The following SIPA1L3 variants were observed in gnomAD, a reference collection of about 807,000 sequenced individuals.
SIPA1L3 encodes signal induced proliferation associated 1 like 3, also known as signal-induced proliferation-associated 1-like protein 3.
Under a neutral mutation model 150.1 loss-of-function variants are expected in SIPA1L3, and 59 were observed. The observed-to-expected ratio is 0.39, with a 90% CI of 0.32 to 0.49. The LOEUF (loss-of-function observed/expected upper bound fraction) is 0.49. Among genes scored for constraint, SIPA1L3 ranks in the 20% least tolerant of loss-of-function variants. The pLI is 0.86. For missense variants in SIPA1L3, 2,211 were observed against 2,489.5 expected (o/e 0.89, Z 2.38); for synonymous variants, 1,070 against 1,077.6 (o/e 0.99, Z 0.14).
chr19:37,934,152 A>T (rs894192617), intron 1 of SIPA1L3, among the ~76,000 whole-genome samples: 8 of 152,154 alleles, frequency 5.3e-5, no homozygotes, highest in Non-Finnish European at 8.8e-5. Context: ...TCAGCAATTG[A>T]TTCTGTAAAA....
At chr19:37,941,241 G>A (rs528930857) in intron 1 of SIPA1L3, among the ~76,000 whole-genome samples, 1 of 152,196 alleles carries the variant, frequency 6.6e-6, no homozygotes, top group African/African-American at 2.4e-5. Flanking sequence ...GATGACCATT[G>A]CTCAGAGCCA....
intron 1 of SIPA1L3, among the ~76,000 whole-genome samples, chr19:37,923,470 T>G (rs1012143843): frequency 6.6e-6 from 1 of 152,142 alleles, no homozygotes; most frequent in Non-Finnish European, 1.5e-5. Flanking sequence ...ATAGAAAAGG[T>G]ACAGTAAAAA....
chr19:37,957,389 T>C (rs1401625884), intron 1 of SIPA1L3, among the ~76,000 whole-genome samples: 1 of 152,232 alleles, frequency 6.6e-6, no homozygotes, highest in Non-Finnish European at 1.5e-5. Context: ...TAATGTTTAG[T>C]CTTCCAGTTT....
chr19:37,973,457 A>T (rs1333405381), intron 1 of SIPA1L3, among the ~76,000 whole-genome samples: 8 of 140,168 alleles, frequency 5.7e-5, no homozygotes. Flanking sequence ...CTGGTCTCGA[A>T]CTCCCGACCT....
At chr19:38,014,431 C>T (rs1396502270) in intron 1 of SIPA1L3, among the ~76,000 whole-genome samples, 1 of 151,862 alleles carries the variant, frequency 6.6e-6, no homozygotes, top group African/African-American at 2.4e-5. Context: ...AGATCTCGGG[C>T]TGTGTTCCAG....
Position 38,204,229 on chromosome 19 carries a change from C to T in SIPA1L3, c.5202+21C>T, listed in dbSNP as rs1219780503. On this transcript the variant is annotated intron_variant, in intron 21 of 21. Transcript: ENST00000222345. Reference sequence around the variant, plus strand: ...AGAAGGTAAGGCCGGGGGCCACGCCCTCTCCATCCCACTTCCCAGACACTG... The same window carrying T: ...AGAAGGTAAGGCCGGGGGCCACGCCTTCTCCATCCCACTTCCCAGACACTG... 1.9e-6 allele frequency: 3 copies of T among 1,545,702 alleles called. No individual in the cohort carries two copies. In the Admixed American group the frequency reaches 5.8e-5, roughly 30 times the overall value.
chr19:38,117,082 C>T lies in SIPA1L3; in HGVS notation c.2292-2224C>T, dbSNP rs571539881. Among the ~76,000 whole-genome samples, 9 of 152,338 alleles carry T rather than the reference C, an allele frequency of 5.9e-5. No homozygotes were observed. The East Asian group carries it at 9.6e-4, about 16-fold the overall frequency. On this transcript the variant is annotated intron_variant, in intron 8 of 21. Transcript: ENST00000222345. ...CCCTGTCCGGGCTCAGGGCTCCTTC[C>T]GCCCAGAAGCCTCGATGGGTTGAGA...
Position 38,100,118 on chromosome 19 carries a change from A to C in SIPA1L3, c.1822A>C (p.Thr608Pro). ...LRLALNTPKV[T>P]EQLLKLDEQG... ...GCTGGCCCTCAACACCCCCAAGGTGACGGAGCAACTGCTGAAGCTCGATGA... is the reference window on the plus strand; with the variant it reads ...GCTGGCCCTCAACACCCCCAAGGTGCCGGAGCAACTGCTGAAGCTCGATGA... Residue 608 changes from threonine to proline, a missense_variant, in exon 5 of 22, where the codon ACG becomes CCG. By Grantham distance (38) the Thr-to-Pro change is conservative. Coordinates refer to ENST00000222345, the MANE Select transcript of SIPA1L3 (RefSeq NM_015073.3). 6.3e-7 allele frequency: 1 copy of C among 1,597,088 alleles called. No homozygotes were observed. Among genetic ancestry groups the C allele is most frequent in the Non-Finnish European group, 8.5e-7 (1 of 1,173,140 alleles).
chr19:38,077,195 A>T (rs1340003219), intron 2 of SIPA1L3, among the ~76,000 whole-genome samples: 1 of 152,196 alleles, frequency 6.6e-6, no homozygotes, highest in Non-Finnish European at 1.5e-5. Flanking sequence ...TCACACCTGT[A>T]ATCCCAGTAC....
chr19:38,197,090 C>T (rs1460445365), intron 18 of SIPA1L3, among the ~76,000 whole-genome samples: 2 of 152,148 alleles, frequency 1.3e-5, no homozygotes, highest in East Asian at 3.9e-4. Context: ...GCTCGGGTCT[C>T]AGTTTTCCTC....
At chr19:38,102,029 TTTTTC>T (rs546684896) in intron 6 of SIPA1L3, among the ~76,000 whole-genome samples, 131 of 151,946 alleles carry the variant, frequency 8.6e-4, no homozygotes, top group African/African-American at 1.5e-3. Context: ...CATAACAATT[TTTTTC>T]TTTTCTTTTC....
At chr19:37,925,574 G>A (rs973705814) in intron 1 of SIPA1L3, among the ~76,000 whole-genome samples, 2 of 149,384 alleles carry the variant, frequency 1.3e-5, no homozygotes, top group African/African-American at 2.5e-5. Context: ...ATTTTTCAGG[G>A]TTGATTGATT....
intron 9 of SIPA1L3, among the ~76,000 whole-genome samples, chr19:38,127,212 T>C (rs962606834): frequency 1.3e-5 from 2 of 152,160 alleles, no homozygotes; most frequent in Admixed American, 1.3e-4. Context: ...AGAACCCCAG[T>C]CTTCATTACC....
intron 1 of SIPA1L3, among the ~76,000 whole-genome samples, chr19:38,004,826 A>T (rs1419028426): frequency 6.6e-6 from 1 of 151,950 alleles, no homozygotes; most frequent in Admixed American, 6.6e-5. Flanking sequence ...TCTCTTCCTC[A>T]CTTGTTCACT....
At chr19:37,936,036 A>G (rs547728738) in intron 1 of SIPA1L3, among the ~76,000 whole-genome samples, 1 of 152,094 alleles carries the variant, frequency 6.6e-6, no homozygotes, top group Admixed American at 6.6e-5. Context: ...CCTCATATTC[A>G]TAAAATGGTT....
intron 9 of SIPA1L3, among the ~76,000 whole-genome samples, chr19:38,122,073 T>C (rs1971034315): frequency 6.6e-6 from 1 of 151,236 alleles, no homozygotes; most frequent in African/African-American, 2.4e-5. Flanking sequence ...ATACAAAAAT[T>C]AGCCAGGCGT....
chr19:38,025,284 C>T (rs1330332902), intron 1 of SIPA1L3, among the ~76,000 whole-genome samples: 1 of 152,224 alleles, frequency 6.6e-6, no homozygotes, highest in Non-Finnish European at 1.5e-5. Context: ...AAGTGAAGTG[C>T]TCGGCCTGTA....
chr19:38,181,225 G>A (rs1210112126), intron 15 of SIPA1L3, among the ~76,000 whole-genome samples: 1 of 152,178 alleles, frequency 6.6e-6, no homozygotes, highest in East Asian at 1.9e-4. Flanking sequence ...ATGGTCATTT[G>A]TGGTCAATGT....
chr19:38,073,775 C>T (rs1252135824), intron 2 of SIPA1L3, among the ~76,000 whole-genome samples: 1 of 152,152 alleles, frequency 6.6e-6, no homozygotes, highest in Admixed American at 6.5e-5. Flanking sequence ...CTGTGCCTGC[C>T]CCTGCAAGGA....
Sources: gnomAD v4.1 joint callset for allele counts (sites outside exome capture counted in the v4.1 genomes callset) on GRCh38, gnomAD v4.1.1 for gene constraint, MANE v1.5 for transcripts, NCBI Gene and HGNC (gene_info 2026-07-23, HGNC 2026-07-21) for gene names.